RIMS2: variants seen among roughly 807,000 people sequenced by gnomAD.
RIMS2 encodes the protein regulating synaptic membrane exocytosis 2.
Under a neutral mutation model 174.4 loss-of-function variants are expected in RIMS2, and 59 were observed. The observed-to-expected ratio is 0.34, with a 90% CI of 0.27 to 0.42. The LOEUF is 0.42. Ranked by LOEUF, RIMS2 falls within the 10% of genes least tolerant of loss-of-function variation. The pLI is 1.00. For missense variants in RIMS2, 1,620 were observed against 1,666.3 expected (o/e 0.97, Z 0.48); for synonymous variants, 606 against 572.5 (o/e 1.06, Z -0.84).
rs143587087 is a variant in RIMS2 at position 103,792,773 on chromosome 8, A to G, written c.698+26236A>G. Among the ~76,000 whole-genome samples, 648 of 152,284 alleles carry G rather than the reference A, an allele frequency of 4.3e-3. 4 individuals are homozygous for G. Among genetic ancestry groups the G allele is most frequent in the African/African-American group, 0.015 (617 of 41,578 alleles). On this transcript the variant is annotated intron_variant, in intron 3 of 23. Coordinates refer to ENST00000504942, the Ensembl canonical transcript of RIMS2. ...ATGTCACCACCAAACCCAAGGAAAT[A>G]CAAACTACCATCAGAGAATACTATA...
chr8:103,969,686 A>G (rs1438854737), intron 15 of RIMS2, among the ~76,000 whole-genome samples: 1 of 152,184 alleles, frequency 6.6e-6, no homozygotes, highest in African/African-American at 2.4e-5. Flanking sequence ...TTCCTGCTAT[A>G]TCTGATTCTG....
intron 1 of RIMS2, among the ~76,000 whole-genome samples, chr8:103,587,791 A>G (rs962442138): frequency 6.6e-6 from 1 of 152,120 alleles, no homozygotes; most frequent in African/African-American, 2.4e-5. Context: ...TGACAGACCC[A>G]CAGCTAATAT....
At chr8:103,542,602 G>C (rs1216200916) in intron 1 of RIMS2, among the ~76,000 whole-genome samples, 1 of 152,128 alleles carries the variant, frequency 6.6e-6, no homozygotes, top group Non-Finnish European at 1.5e-5. Flanking sequence ...TTCTTGATGA[G>C]CATAGATGCA....
chr8:104,154,416 G>A (rs1228174701), intron 19 of RIMS2, among the ~76,000 whole-genome samples: 1 of 152,066 alleles, frequency 6.6e-6, no homozygotes, highest in African/African-American at 2.4e-5. Flanking sequence ...ATGTGGCTAG[G>A]GTAACTAAGT....
chr8:103,572,492 GC>G (rs1012284479), intron 1 of RIMS2, among the ~76,000 whole-genome samples: 4 of 152,004 alleles, frequency 2.6e-5, no homozygotes, highest in Non-Finnish European at 5.9e-5. Flanking sequence ...TTCTACAGGG[GC>G]TGAACTAATG....
chr8:103,836,225 T>C (rs566109745), intron 3 of RIMS2, among the ~76,000 whole-genome samples: 1 of 152,336 alleles, frequency 6.6e-6, no homozygotes, highest in East Asian at 1.9e-4. Context: ...TGAAGAATTT[T>C]ATGATAATTA....
chr8:103,918,469 C>T (rs773441944), exon 9 of RIMS2: 7 of 1,604,620 alleles, frequency 4.4e-6, no homozygotes, highest in African/African-American at 2.7e-5. Flanking sequence ...TGATAGCACA[C>T]ATGCACAACT....
At chr8:103,501,319 C>T (rs1586236162) in intron 1 of RIMS2, 1 of 239,508 alleles carries the variant, frequency 4.2e-6, no homozygotes. Context: ...TTTTCCTTGG[C>T]GCCTTTCCGG....
At chr8:103,553,666 A>G (rs1390191833) in intron 1 of RIMS2, among the ~76,000 whole-genome samples, 1 of 152,156 alleles carries the variant, frequency 6.6e-6, no homozygotes, top group Admixed American at 6.6e-5. Context: ...CTATCATACT[A>G]CTAACAGCAT....
At chr8:103,724,277 G>T (rs947034389) in intron 2 of RIMS2, among the ~76,000 whole-genome samples, 1 of 151,982 alleles carries the variant, frequency 6.6e-6, no homozygotes, top group African/African-American at 2.4e-5. Flanking sequence ...TCTGAGAGGG[G>T]GTGAGGGTAG....
intron 1 of RIMS2, among the ~76,000 whole-genome samples, chr8:103,598,063 T>C (rs1010639978): frequency 6.6e-6 from 1 of 152,212 alleles, no homozygotes; most frequent in African/African-American, 2.4e-5. Flanking sequence ...CTTTTTAGCC[T>C]TAGCTGCTTT....
In RIMS2 at chr8:104,236,160, G is replaced by A. The variant is rs181086522; in HGVS notation, c.3335-8756G>A. Reference sequence around the variant, plus strand: ...TGATTACATTGAGTTAAATGTCATAGGTGATATAAACTTTATATAGTCCAT... The same window carrying A: ...TGATTACATTGAGTTAAATGTCATAAGTGATATAAACTTTATATAGTCCAT... On this transcript the variant is annotated intron_variant, in intron 19 of 23. Transcript: ENST00000504942. 4.0e-3 allele frequency among the ~76,000 whole-genome samples: 607 copies of A among 151,808 alleles called. 2 individuals are homozygous for A. The highest frequency in any genetic ancestry group is 7.0e-3 in the Non-Finnish European group (477 of 67,880).
intron 19 of RIMS2, among the ~76,000 whole-genome samples, chr8:104,095,801 A>C (rs1257739600): frequency 6.6e-6 from 1 of 152,126 alleles, no homozygotes; most frequent in Non-Finnish European, 1.5e-5. Context: ...ATCTAAGCCC[A>C]ATCTAAAATT....
intron 1 of RIMS2, among the ~76,000 whole-genome samples, chr8:103,691,258 A>G (rs949646056): frequency 4.6e-5 from 7 of 152,164 alleles, no homozygotes; most frequent in Non-Finnish European, 1.0e-4. Flanking sequence ...CTCTGTTATT[A>G]TCCCTTCGAA....
At chr8:103,543,431 C>G (rs1018085603) in intron 1 of RIMS2, among the ~76,000 whole-genome samples, 1 of 152,120 alleles carries the variant, frequency 6.6e-6, no homozygotes, top group Non-Finnish European at 1.5e-5. Flanking sequence ...AATGTTCATA[C>G]TACTCAAAAC....
At chr8:103,552,991 G>A (rs1848731534) in intron 1 of RIMS2, among the ~76,000 whole-genome samples, 1 of 152,180 alleles carries the variant, frequency 6.6e-6, no homozygotes, top group Non-Finnish European at 1.5e-5. Flanking sequence ...CTTTTACACT[G>A]TTGGTGGGAC....
chr8:104,249,516 A>G, exon 22 of RIMS2: 1 of 1,611,706 alleles, frequency 6.2e-7, no homozygotes, highest in Non-Finnish European at 8.5e-7. Context: ...GATGGACAAA[A>G]AGGGACAGCT....
chr8:103,964,040 T>C (rs554953732), intron 15 of RIMS2, among the ~76,000 whole-genome samples: 1 of 152,324 alleles, frequency 6.6e-6, no homozygotes, highest in South Asian at 2.1e-4. Context: ...TTCCATTGTC[T>C]GGATATACCA....
chr8:104,087,389 G>C (rs1228399993), intron 19 of RIMS2, among the ~76,000 whole-genome samples: 1 of 152,038 alleles, frequency 6.6e-6, no homozygotes, highest in Non-Finnish European at 1.5e-5. Context: ...ATGGATGGAT[G>C]GATGGATGGA....
Sources: allele counts gnomAD v4.1 joint callset (sites outside exome capture counted in the v4.1 genomes callset), GRCh38; gene constraint gnomAD v4.1.1; transcripts MANE v1.5; gene names NCBI Gene and HGNC (gene_info 2026-07-23, HGNC 2026-07-21).